MEIS1: variants seen among roughly 807,000 people sequenced by gnomAD.
MEIS1 encodes the protein homeobox protein Meis1.
In MEIS1, 5 loss-of-function variants were observed where a neutral mutation model predicts 50.8. The observed-to-expected ratio is 0.10, with a 90% CI of 0.05 to 0.21. MEIS1 has a LOEUF of 0.21. Ranked by LOEUF, MEIS1 falls within the 10% of genes least tolerant of loss-of-function variation. The pLI, the probability that MEIS1 is intolerant of heterozygous loss-of-function variation, is 1.00. For missense variants in MEIS1, 318 were observed against 517.3 expected (o/e 0.61, Z 3.74); for synonymous variants, 176 against 179.3 (o/e 0.98, Z 0.15).
intron 7 of MEIS1, among the ~76,000 whole-genome samples, chr2:66,509,500 CTGTT>C (rs2103847997): frequency 6.6e-6 from 1 of 152,356 alleles, no homozygotes; most frequent in African/African-American, 2.4e-5. Flanking sequence ...TAAGCCAAGG[CTGTT>C]TTTGGCTTGA....
At chr2:66,443,167 A>G in intron 6 of MEIS1, 119 bp downstream of exon 6, 1 of 1,180,838 alleles carries the variant, frequency 8.5e-7, no homozygotes, top group Non-Finnish European at 1.1e-6. Context: ...TTTTAGATAC[A>G]TTTCCATCGA....
At chr2:66,440,419 G>T (rs1671940623) in intron 3 of MEIS1, 143 bp from the exon 4 acceptor site, 3 of 718,282 alleles carry the variant, frequency 4.2e-6, no homozygotes, top group South Asian at 3.2e-5. Flanking sequence ...GACGAACTCG[G>T]TGTCACCGGG....
At chr2:66,440,030 C>A (rs754451538) in intron 3 of MEIS1, 46 bp downstream of exon 3, 44 of 1,544,340 alleles carry the variant, frequency 2.8e-5, no homozygotes, top group East Asian at 2.6e-4. Flanking sequence ...AAAAGAGAGC[C>A]CCCCCTTCGC....
chr2:66,541,279 C>T (rs924794760), intron 8 of MEIS1, among the ~76,000 whole-genome samples: 1 of 151,994 alleles, frequency 6.6e-6, no homozygotes, highest in African/African-American at 2.4e-5. Context: ...CCTTGTGATC[C>T]TCCCGTCTCG....
At chr2:66,503,528 T>C (rs965873525) in intron 7 of MEIS1, among the ~76,000 whole-genome samples, 1 of 152,208 alleles carries the variant, frequency 6.6e-6, no homozygotes, top group Non-Finnish European at 1.5e-5. Flanking sequence ...AGAGCTTCAG[T>C]TTGCAGTTGT....
intron 6 of MEIS1, among the ~76,000 whole-genome samples, chr2:66,453,626 A>G (rs1180279817): frequency 3.9e-5 from 6 of 152,116 alleles, no homozygotes; most frequent in Non-Finnish European, 7.4e-5. Flanking sequence ...TTCTTGAGGA[A>G]TGAGAGACAC....
At chr2:66,548,272 C>T (rs1195950275) in intron 9 of MEIS1, among the ~76,000 whole-genome samples, 2 of 152,188 alleles carry the variant, frequency 1.3e-5, no homozygotes, top group South Asian at 2.1e-4. Context: ...GTGTAATTCA[C>T]ATTCACTATG....
chr2:66,455,745 A>G (rs1672372679), intron 6 of MEIS1, among the ~76,000 whole-genome samples: 1 of 152,220 alleles, frequency 6.6e-6, no homozygotes, highest in South Asian at 2.1e-4. Context: ...TGCTGATTGC[A>G]GGACAGTGGG....
intron 7 of MEIS1, among the ~76,000 whole-genome samples, chr2:66,501,739 T>C (rs764757314): frequency 1.3e-5 from 2 of 152,116 alleles, no homozygotes; most frequent in Non-Finnish European, 2.9e-5. Flanking sequence ...AACACTTACA[T>C]AAAATAAATC....
At chr2:66,493,073 C>T (rs1474570218) in intron 7 of MEIS1, among the ~76,000 whole-genome samples, 2 of 152,114 alleles carry the variant, frequency 1.3e-5, no homozygotes, top group African/African-American at 4.8e-5. Context: ...TAACATATAG[C>T]AAAAACAAAC....
chr2:66,446,790 C>G (rs574380827), intron 6 of MEIS1, among the ~76,000 whole-genome samples: 3 of 152,294 alleles, frequency 2.0e-5, no homozygotes, highest in African/African-American at 7.2e-5. Context: ...GGACGGCCGC[C>G]GGGGCTGTGC....
intron 7 of MEIS1, among the ~76,000 whole-genome samples, chr2:66,506,332 G>A (rs1340417745): frequency 6.6e-6 from 1 of 152,178 alleles, no homozygotes; most frequent in Admixed American, 6.5e-5. Context: ...TCACCAGGAA[G>A]TTTGTCATGT....
intron 8 of MEIS1, among the ~76,000 whole-genome samples, chr2:66,516,577 T>TTGTG (rs59154318): frequency 8.6e-4 from 128 of 148,238 alleles, no homozygotes; most frequent in East Asian, 6.2e-3. Context: ...CCTGGAAAAT[T>TTGTG]TGTGTGTGTG....
chr2:66,534,732 C>T, intron 8 of MEIS1, among the ~76,000 whole-genome samples: 1 of 151,938 alleles, frequency 6.6e-6, no homozygotes, highest in East Asian at 1.9e-4. Flanking sequence ...TAATTAGCAA[C>T]CTTAAGTCAC....
At chr2:66,525,292 G>C (rs1289195131) in intron 8 of MEIS1, among the ~76,000 whole-genome samples, 2 of 152,066 alleles carry the variant, frequency 1.3e-5, no homozygotes, top group Non-Finnish European at 2.9e-5. Flanking sequence ...TAAATTATCT[G>C]GATCTTTTTA....
At chr2:66,517,414 A>G (rs904315185) in intron 8 of MEIS1, among the ~76,000 whole-genome samples, 19 of 151,740 alleles carry the variant, frequency 1.3e-4, no homozygotes, top group Admixed American at 1.1e-3. Context: ...GTGCGAGAAG[A>G]TTTTTTTTTC....
At chr2:66,497,924 C>T (rs998064509) in intron 7 of MEIS1, among the ~76,000 whole-genome samples, 2 of 152,038 alleles carry the variant, frequency 1.3e-5, no homozygotes, top group Non-Finnish European at 2.9e-5. Context: ...GCAGCACTGC[C>T]ACCCATTGTT....
At chr2:66,513,896 G>A (rs1673899195) in intron 8 of MEIS1, among the ~76,000 whole-genome samples, 3 of 152,128 alleles carry the variant, frequency 2.0e-5, no homozygotes, top group Admixed American at 2.0e-4. Flanking sequence ...AGAGGACTCA[G>A]GTCTTGAGGG....
At chr2:66,564,427 T>C (rs1675290093) in intron 9 of MEIS1, among the ~76,000 whole-genome samples, 1 of 152,130 alleles carries the variant, frequency 6.6e-6, no homozygotes, top group Admixed American at 6.6e-5. Flanking sequence ...ATAAATGTCG[T>C]TGGTGTTGTC....
Sources: gnomAD v4.1 joint callset for allele counts (sites outside exome capture counted in the v4.1 genomes callset) on GRCh38, gnomAD v4.1.1 for gene constraint, MANE v1.5 for transcripts, NCBI Gene and HGNC (gene_info 2026-07-23, HGNC 2026-07-21) for gene names.